FLT3: variants seen among roughly 807,000 people sequenced by gnomAD.
The protein encoded by FLT3 is receptor-type tyrosine-protein kinase FLT3.
In FLT3, 46 loss-of-function variants were observed where a neutral mutation model predicts 126.6. The ratio of observed to expected loss-of-function variants is 0.36; its 90% confidence interval spans 0.29 to 0.46. The LOEUF is 0.46. Among genes scored for constraint, FLT3 ranks in the 20% least tolerant of loss-of-function variants. The pLI is 1.00. For synonymous variants in FLT3, 404 were observed against 434.4 expected (o/e 0.93, Z 0.87); for missense variants, 1,069 against 1,190.3 (o/e 0.90, Z 1.50).
At chr13:28,030,318 A>G (rs1451220262) in intron 15 of FLT3, among the ~76,000 whole-genome samples, 1 of 152,174 alleles carries the variant, frequency 6.6e-6, no homozygotes, top group African/African-American at 2.4e-5. Context: ...TTCATGTCCT[A>G]TTCCTCATGG....
chr13:28,023,289 T>G, intron 19 of FLT3, 61 bp downstream of exon 19: 1 of 1,526,666 alleles, frequency 6.6e-7, no homozygotes, highest in Non-Finnish European at 8.9e-7. Context: ...CAAGAAAACA[T>G]ATATAAGCAC....
rs1056510686 is a variant in FLT3 at position 28,076,230 on chromosome 13, A to C, written c.44-5618T>G. Among the ~76,000 whole-genome samples the C allele has an allele frequency of 1.3e-4, 20 of 152,324 alleles. 1 individual carries two copies. The highest frequency in any genetic ancestry group is 3.4e-3 in the Middle Eastern group (1 of 294). Reference sequence around the variant, plus strand: ...CCCAAAAAGAGAAAATATATTACAAAACATAATCAAATGCTGACGTTTATT... The same window carrying C: ...CCCAAAAAGAGAAAATATATTACAACACATAATCAAATGCTGACGTTTATT... On this transcript the variant is annotated intron_variant, in intron 1 of 23. Transcript: ENST00000241453.
chr13:28,074,363 A>T (rs79285213), intron 1 of FLT3, among the ~76,000 whole-genome samples: 4,790 of 152,316 alleles, frequency 0.031, 248 homozygotes, highest in African/African-American at 0.11. Context: ...GTTACTAATA[A>T]AGCTGCTATT....
At chr13:28,098,462 C>T (rs970764847) in intron 1 of FLT3, among the ~76,000 whole-genome samples, 9 of 152,048 alleles carry the variant, frequency 5.9e-5, no homozygotes, top group Non-Finnish European at 1.2e-4. Context: ...CAAGAAAATC[C>T]ATAATACAAA....
chr13:28,086,760 C>T (rs563385230), intron 1 of FLT3, among the ~76,000 whole-genome samples: 16 of 151,894 alleles, frequency 1.1e-4, no homozygotes, highest in Non-Finnish European at 1.3e-4. Flanking sequence ...AATACTTCTG[C>T]CTCAGCCTCC....
At chr13:28,024,814 G>A (rs763143926) in intron 18 of FLT3, 47 bp downstream of exon 18, 2 of 1,213,458 alleles carry the variant, frequency 1.6e-6, no homozygotes, top group East Asian at 4.7e-5. Context: ...TAAAACTTTT[G>A]CATTCATTTC....
chr13:28,086,708 G>A lies in FLT3; in HGVS notation c.43+13760C>T, dbSNP rs187411088. 1.9e-3 allele frequency among the ~76,000 whole-genome samples: 288 copies of A among 151,650 alleles called. 3 individuals carry two copies. The highest frequency in any genetic ancestry group is 6.5e-3 in the African/African-American group (267 of 41,236). On this transcript the variant is annotated intron_variant, in intron 1 of 23. Transcript: ENST00000241453. ...GTCACTCACACTGGAGTGCAGTGGTGAAATCTCTGCTCACTTCAACCTCCG... is the reference window on the plus strand; with the variant it reads ...GTCACTCACACTGGAGTGCAGTGGTAAAATCTCTGCTCACTTCAACCTCCG...
intron 20 of FLT3, among the ~76,000 whole-genome samples, chr13:28,017,652 T>A (rs1420251155): frequency 1.3e-5 from 2 of 148,986 alleles, no homozygotes; most frequent in Non-Finnish European, 3.0e-5. Flanking sequence ...TTCACACTGT[T>A]TTTTTTGTTG....
chr13:28,034,986 G>A (rs915451880), intron 12 of FLT3, among the ~76,000 whole-genome samples: 25 of 151,850 alleles, frequency 1.6e-4, no homozygotes, highest in African/African-American at 5.8e-4. Context: ...GGATGTACAA[G>A]TCAGAGAAAA....
At chr13:28,083,136 C>G (rs59686303) in intron 1 of FLT3, among the ~76,000 whole-genome samples, 1 of 152,070 alleles carries the variant, frequency 6.6e-6, no homozygotes. Flanking sequence ...CCACCACGTG[C>G]CCAGCCGAAT....
intron 21 of FLT3, 76 bp from the exon 22 acceptor site, chr13:28,015,332 T>C: frequency 2.0e-6 from 2 of 996,962 alleles, no homozygotes; most frequent in East Asian, 5.1e-5. Context: ...ATTAAACACG[T>C]ATTGAGATCT....
At chr13:28,052,124 C>T (rs937543217) in intron 5 of FLT3, among the ~76,000 whole-genome samples, 7 of 151,348 alleles carry the variant, frequency 4.6e-5, no homozygotes, top group South Asian at 2.1e-4. Flanking sequence ...GACGGAGTTT[C>T]GCTCTTGTTG....
rs559160794 is a variant in FLT3, at chr13:28,080,363, G to C, written c.44-9751C>G. Among the ~76,000 whole-genome samples the C allele has an allele frequency of 3.2e-3, 488 of 152,312 alleles. 3 individuals carry two copies. Among genetic ancestry groups the C allele is most frequent in the African/African-American group, 0.011 (448 of 41,564 alleles). ...TGCTCTCCAGCCTTGGTGACAGAGA[G>C]AGACTCCATCTCAAAAATAAATAAA... On this transcript the variant is annotated intron_variant, in intron 1 of 23. Transcript: ENST00000241453.
At chr13:28,039,274 T>C (rs1331676836) in intron 9 of FLT3, among the ~76,000 whole-genome samples, 1 of 152,108 alleles carries the variant, frequency 6.6e-6, no homozygotes, top group Non-Finnish European at 1.5e-5. Context: ...CTATCTCGGC[T>C]TATTGCAACC....
At chr13:28,031,658 G>A (rs1200881572) in intron 15 of FLT3, among the ~76,000 whole-genome samples, 1 of 152,136 alleles carries the variant, frequency 6.6e-6, no homozygotes, top group Non-Finnish European at 1.5e-5. Flanking sequence ...AGATCTGAGG[G>A]GGCAGTGGGA....
At chr13:28,022,659 A>G (rs1872501888) in intron 19 of FLT3, among the ~76,000 whole-genome samples, 1 of 152,154 alleles carries the variant, frequency 6.6e-6, no homozygotes, top group African/African-American at 2.4e-5. Flanking sequence ...GAGGGGGAAG[A>G]ATTTTGGGAA....
intron 15 of FLT3, among the ~76,000 whole-genome samples, chr13:28,029,581 G>A (rs1017421618): frequency 9.2e-5 from 14 of 152,080 alleles, no homozygotes; most frequent in South Asian, 4.1e-4. Context: ...AGGGAGAAAC[G>A]TCCTTTTTGT....
intron 1 of FLT3, among the ~76,000 whole-genome samples, chr13:28,094,389 T>A (rs1042181953): frequency 1.3e-5 from 2 of 152,164 alleles, no homozygotes; most frequent in Non-Finnish European, 2.9e-5. Context: ...AGTAAAAAAA[T>A]GTATATTTTT....
chr13:28,035,932 T>C lies in FLT3; in HGVS notation c.1418+3A>G. On this transcript the variant is annotated splice_donor_region_variant and intron_variant, in intron 11 of 23. Coordinates refer to ENST00000241453, the MANE Select transcript of FLT3 (RefSeq NM_004119.3). ...TTATAAGAGGCATCAATGTCCTTAT[T>C]ACTTGGGAGACTTGTCTGAACACTT... The C allele has an allele frequency of 1.2e-6, 2 of 1,605,810 alleles. No homozygotes were observed. Among genetic ancestry groups the C allele is most frequent in the Middle Eastern group, 1.7e-4 (1 of 6,042 alleles).
Sources: gnomAD v4.1 joint callset for allele counts (sites outside exome capture counted in the v4.1 genomes callset) on GRCh38, gnomAD v4.1.1 for gene constraint, MANE v1.5 for transcripts, NCBI Gene and HGNC (gene_info 2026-07-23, HGNC 2026-07-21) for gene names.